Variants in SLC24A2 observed in about 807,000 individuals in gnomAD.
The protein encoded by SLC24A2 is solute carrier family 24 member 2, also known as sodium/potassium/calcium exchanger 2.
SLC24A2 carries 36 observed loss-of-function variants against 62.0 expected under a neutral mutation model. The ratio of observed to expected loss-of-function variants is 0.58; its 90% confidence interval spans 0.44 to 0.77. The LOEUF is 0.77. SLC24A2 is among the 30% of genes least tolerant of loss of function. The pLI is 0.00. For synonymous variants in SLC24A2, 358 were observed against 294.0 expected, an observed-to-expected ratio of 1.22 and a Z score of -2.23; for missense variants, 846 against 817.9, an observed-to-expected ratio of 1.03 and a Z score of -0.42.
intron 2 of SLC24A2, among the ~76,000 whole-genome samples, chr9:19,694,765 G>C (rs1820136687): frequency 6.6e-6 from 1 of 152,124 alleles, no homozygotes; most frequent in South Asian, 2.1e-4. Flanking sequence ...AGGCAAGTGA[G>C]ACTACCCTAT....
chr9:19,808,968 A>G, the SLC24A2 span, among the ~76,000 whole-genome samples: 1 of 152,234 alleles, frequency 6.6e-6, no homozygotes, highest in Non-Finnish European at 1.5e-5. The surrounding 1 kb of genome is among the most constrained non-coding windows in gnomAD (Gnocchi z 4.1). Flanking sequence ...TGCCTAGATC[A>G]TAATAAAGAC....
At chr9:20,047,544 G>A in the SLC24A2 span, among the ~76,000 whole-genome samples, 1 of 146,370 alleles carries the variant, frequency 6.8e-6, no homozygotes, top group African/African-American at 2.5e-5. Context: ...TCTGAAGGCT[G>A]GAAAGTCCAA....
At chr9:19,757,489 C>T (rs909524619) in intron 2 of SLC24A2, among the ~76,000 whole-genome samples, 1 of 152,074 alleles carries the variant, frequency 6.6e-6, no homozygotes, top group African/African-American at 2.4e-5. Context: ...TTCTAGAAGG[C>T]TATTTTTTTC....
rs370152289 is a variant in SLC24A2 at position 19,555,048 on chromosome 9, T to A, written c.1348-4780A>T. On this transcript the variant is annotated intron_variant, in intron 7 of 10. Coordinates refer to ENST00000341998, the MANE Select transcript of SLC24A2 (RefSeq NM_020344.4). The stretch of plus-strand genomic sequence containing the variant: ...CCACATGTTAACACTAGACTAGGTG[T>A]CAAAATGCAGGACTTAACACTGGTT... Among the ~76,000 whole-genome samples, 24 of 152,252 alleles carry A rather than the reference T, an allele frequency of 1.6e-4. No homozygotes were observed. In the South Asian group the frequency reaches 5.0e-3, roughly 32 times the overall value.
upstream of SLC24A2, among the ~76,000 whole-genome samples, chr9:19,792,536 C>CA (rs1165695410): frequency 0.017 from 1,260 of 74,580 alleles, 16 homozygotes; most frequent in East Asian, 0.049. Flanking sequence ...ACTAAAAATA[C>CA]AAAAAAAAAA....
chr9:19,860,818 G>T, the SLC24A2 span, among the ~76,000 whole-genome samples: 2 of 152,158 alleles, frequency 1.3e-5, no homozygotes, highest in African/African-American at 4.8e-5. Context: ...ATTCATCGTG[G>T]GCCCGAGGTG....
At chr9:20,043,686 G>A in the SLC24A2 span, among the ~76,000 whole-genome samples, 1 of 152,166 alleles carries the variant, frequency 6.6e-6, no homozygotes, top group East Asian at 1.9e-4. Context: ...AGATGGCACC[G>A]AATGGCCACA....
the SLC24A2 span, among the ~76,000 whole-genome samples, chr9:20,137,000 T>C: frequency 3.8e-4 from 58 of 152,292 alleles, no homozygotes; most frequent in African/African-American, 1.3e-3. Flanking sequence ...TAATGCTCTC[T>C]GATGTATCAA....
At chr9:20,051,610 G>T in the SLC24A2 span, among the ~76,000 whole-genome samples, 5 of 137,016 alleles carry the variant, frequency 3.6e-5, no homozygotes, top group Admixed American at 4.0e-4. Flanking sequence ...TAAGACAAAG[G>T]CATTCTCTAT....
At chr9:19,991,646 T>C in the SLC24A2 span, among the ~76,000 whole-genome samples, 1 of 152,244 alleles carries the variant, frequency 6.6e-6, no homozygotes, top group African/African-American at 2.4e-5. Flanking sequence ...CCAAATGCTA[T>C]GCTTATAACT....
chr9:19,855,422 G>A, the SLC24A2 span, among the ~76,000 whole-genome samples: 3 of 152,166 alleles, frequency 2.0e-5, no homozygotes, highest in Non-Finnish European at 4.4e-5. Flanking sequence ...TGTGGTGGTT[G>A]ATAATGGTTT....
rs747953155 is a variant in SLC24A2, at chr9:19,509,354, T to C, written c.*6799A>G. 1 of 152,176 alleles carries C rather than the reference T, an allele frequency of 6.6e-6. No homozygotes were observed. Among genetic ancestry groups the C allele is most frequent in the Non-Finnish European group, 1.5e-5 (1 of 68,020 alleles). 9.4% of individuals were successfully genotyped at this position (152,176 alleles called of 1,614,324 possible). On this transcript the variant is annotated 3_prime_UTR_variant, in exon 11 of 11. Coordinates refer to ENST00000341998, the MANE Select transcript of SLC24A2 (RefSeq NM_020344.4). ...TCTAAAATGTATAAGTAGATTAGGATTGCCTAGAACAATAATTGTAGTTAA... is the reference window on the plus strand; with the variant it reads ...TCTAAAATGTATAAGTAGATTAGGACTGCCTAGAACAATAATTGTAGTTAA...
At chr9:20,169,266 G>A in the SLC24A2 span, among the ~76,000 whole-genome samples, 3 of 151,974 alleles carry the variant, frequency 2.0e-5, no homozygotes, top group Non-Finnish European at 2.9e-5. Context: ...ATAGATTTAA[G>A]AGGATCATGA....
At chr9:19,545,523 C>G (rs1387589202) in intron 8 of SLC24A2, among the ~76,000 whole-genome samples, 1 of 152,080 alleles carries the variant, frequency 6.6e-6, no homozygotes, top group Non-Finnish European at 1.5e-5. Flanking sequence ...TTGGAATTTT[C>G]AGCCTTTTTG....
the SLC24A2 span, among the ~76,000 whole-genome samples, chr9:20,081,882 T>C: frequency 6.6e-6 from 1 of 152,212 alleles, no homozygotes; most frequent in Non-Finnish European, 1.5e-5. Flanking sequence ...ATTAATGTTA[T>C]TTCCCTAACC....
intron 8 of SLC24A2, among the ~76,000 whole-genome samples, chr9:19,533,814 C>G (rs574357067): frequency 5.9e-5 from 9 of 152,194 alleles, no homozygotes; most frequent in South Asian, 2.1e-4. Flanking sequence ...ATAACTGATA[C>G]AAGGTCAAAT....
chr9:19,968,636 A>G, the SLC24A2 span, among the ~76,000 whole-genome samples: 5 of 152,184 alleles, frequency 3.3e-5, no homozygotes, highest in Admixed American at 6.6e-5. Flanking sequence ...CACATGTAGG[A>G]GTTAAGACTT....
intron 2 of SLC24A2, among the ~76,000 whole-genome samples, chr9:19,736,350 C>G (rs1027857164): frequency 2.6e-5 from 4 of 152,120 alleles, no homozygotes; most frequent in African/African-American, 9.7e-5. Context: ...TTGATTAAAT[C>G]TAATTAACTG....
At chr9:19,904,393 G>A in the SLC24A2 span, among the ~76,000 whole-genome samples, 1 of 152,170 alleles carries the variant, frequency 6.6e-6, no homozygotes, top group Non-Finnish European at 1.5e-5. Flanking sequence ...AGACAGGGGA[G>A]AAAATGTGAA....
Sources: gnomAD v4.1 joint callset for allele counts (sites outside exome capture counted in the v4.1 genomes callset) on GRCh38, gnomAD v4.1.1 for gene constraint, Gnocchi (gnomAD v3.1) non-coding constraint, MANE v1.5 for transcripts, NCBI Gene and HGNC (gene_info 2026-07-23, HGNC 2026-07-21) for gene names.